The following CACNA2D3 variants were observed in gnomAD, a reference collection of about 807,000 sequenced individuals.
CACNA2D3 encodes voltage-dependent calcium channel subunit alpha-2/delta-3.
Under a neutral mutation model 160.6 loss-of-function variants are expected in CACNA2D3, and 60 were observed. That is an observed-to-expected ratio of 0.37 (90% CI 0.30 to 0.46). The LOEUF (loss-of-function observed/expected upper bound fraction) is 0.46. Among genes scored for constraint, CACNA2D3 ranks in the 20% least tolerant of loss-of-function variants. The pLI is 1.00. For missense variants in CACNA2D3, 1,205 were observed against 1,365.0 expected (o/e 0.88, Z 1.85); for synonymous variants, 558 against 492.9 (o/e 1.13, Z -1.75).
chr3:54,495,613 G>A (rs374254900), intron 4 of CACNA2D3, among the ~76,000 whole-genome samples: 1 of 152,160 alleles, frequency 6.6e-6, no homozygotes, highest in Non-Finnish European at 1.5e-5. Flanking sequence ...GCAGGGTGTG[G>A]TGGTGCACAC....
At chr3:54,158,395 GAAA>G (rs1700281288) in intron 2 of CACNA2D3, among the ~76,000 whole-genome samples, 1 of 152,190 alleles carries the variant, frequency 6.6e-6, no homozygotes, top group Non-Finnish European at 1.5e-5. Context: ...CACTTGTGGG[GAAA>G]AAAGGAGCTC....
intron 11 of CACNA2D3, among the ~76,000 whole-genome samples, chr3:54,650,233 C>G (rs1270995522): frequency 1.3e-5 from 2 of 151,444 alleles, no homozygotes; most frequent in East Asian, 3.9e-4. Flanking sequence ...GAGTCTTGCT[C>G]TGTCACCCAG....
intron 13 of CACNA2D3, among the ~76,000 whole-genome samples, chr3:54,789,276 TA>T (rs1372705211): frequency 1.3e-5 from 2 of 152,184 alleles, no homozygotes; most frequent in Non-Finnish European, 2.9e-5. Flanking sequence ...ATATGTGTTT[TA>T]AAAAAACTGT....
At chr3:54,463,810 G>A (rs895599220) in intron 4 of CACNA2D3, among the ~76,000 whole-genome samples, 12 of 152,320 alleles carry the variant, frequency 7.9e-5, no homozygotes, top group African/African-American at 2.6e-4. Flanking sequence ...TCCGTTGCTG[G>A]TGAGGAACTG....
chr3:54,194,583 T>C (rs907773247), intron 2 of CACNA2D3, among the ~76,000 whole-genome samples: 1 of 152,208 alleles, frequency 6.6e-6, no homozygotes, highest in Admixed American at 6.5e-5. Flanking sequence ...GCTCTGCTGC[T>C]ATAACAAAAT....
intron 4 of CACNA2D3, among the ~76,000 whole-genome samples, chr3:54,417,801 G>GTT (rs1699778937): frequency 3.8e-5 from 5 of 130,538 alleles, no homozygotes; most frequent in Admixed American, 3.8e-4. Flanking sequence ...TGTGTGGGGG[G>GTT]GGGGGTGGGG....
intron 11 of CACNA2D3, among the ~76,000 whole-genome samples, chr3:54,730,783 G>A (rs1406933116): frequency 6.6e-6 from 1 of 152,188 alleles, no homozygotes; most frequent in East Asian, 1.9e-4. Flanking sequence ...GATTACAGGA[G>A]TGAGCCACTG....
In CACNA2D3 at chr3:54,815,614, G is replaced by A. The variant is rs534777473; in HGVS notation, c.1381-1239G>A. Among the ~76,000 whole-genome samples, 238 of 152,310 alleles carry A rather than the reference G, an allele frequency of 1.6e-3. 4 individuals carry two copies. The highest frequency in any genetic ancestry group is 5.3e-3 in the African/African-American group (220 of 41,574). On this transcript the variant is annotated intron_variant, in intron 13 of 37. Coordinates refer to ENST00000474759, the MANE Select transcript of CACNA2D3 (RefSeq NM_018398.3). ...CTGTCACAATTCCCAAGTGTTTGGG[G>A]TCTTTATTTATGTGTGAATTGAGTT... is the stretch of plus-strand genomic sequence containing the variant.
chr3:54,973,775 A>T (rs1477941637), intron 29 of CACNA2D3, among the ~76,000 whole-genome samples: 2 of 152,204 alleles, frequency 1.3e-5, no homozygotes. Flanking sequence ...ATTTTTTCAA[A>T]AGACAGTGTT....
At chr3:55,014,515 G>A (rs1278133251) in intron 34 of CACNA2D3, among the ~76,000 whole-genome samples, 1 of 152,124 alleles carries the variant, frequency 6.6e-6, no homozygotes, top group Admixed American at 6.5e-5. Flanking sequence ...GGATCACTGA[G>A]GCCAGGAGTT....
chr3:54,921,492 A>G (rs746098148), intron 27 of CACNA2D3, among the ~76,000 whole-genome samples: 43 of 152,086 alleles, frequency 2.8e-4, no homozygotes, highest in Non-Finnish European at 5.1e-4. Flanking sequence ...TTTGGAGGAG[A>G]TATTATTATG....
chr3:54,524,898 G>A (rs1025635597), intron 5 of CACNA2D3, among the ~76,000 whole-genome samples: 7 of 151,936 alleles, frequency 4.6e-5, no homozygotes, highest in African/African-American at 1.2e-4. Context: ...AATCTAAAGT[G>A]TTTCTCTTAT....
At chr3:54,743,965 A>T (rs1302808064) in intron 11 of CACNA2D3, among the ~76,000 whole-genome samples, 1 of 152,132 alleles carries the variant, frequency 6.6e-6, no homozygotes, top group Non-Finnish European at 1.5e-5. Flanking sequence ...GATTCTACAG[A>T]CTCAGTTCTG....
chr3:54,657,172 G>T (rs1699889007), intron 11 of CACNA2D3, among the ~76,000 whole-genome samples: 2 of 152,188 alleles, frequency 1.3e-5, no homozygotes, highest in African/African-American at 4.8e-5. Flanking sequence ...TTCAGTTAAG[G>T]CAGGAATAGG....
intron 27 of CACNA2D3, among the ~76,000 whole-genome samples, chr3:54,902,473 C>T (rs149183450): frequency 1.7e-3 from 266 of 152,284 alleles, no homozygotes; most frequent in Admixed American, 5.3e-3. Flanking sequence ...TCCATCTTCC[C>T]GGCCTATGAC....
At chr3:54,440,614 C>G (rs1438302656) in intron 4 of CACNA2D3, among the ~76,000 whole-genome samples, 1 of 152,004 alleles carries the variant, frequency 6.6e-6, no homozygotes, top group Non-Finnish European at 1.5e-5. Context: ...TTAGGTATAT[C>G]TCCTAATGCT....
chr3:55,021,697 GTA>G (rs1276712547), intron 35 of CACNA2D3, among the ~76,000 whole-genome samples: 34 of 138,694 alleles, frequency 2.5e-4, no homozygotes, highest in African/African-American at 7.1e-4. Context: ...ATATATGTGT[GTA>G]TATATATATG....
At chr3:55,070,702 CTTTA>C (rs898973749) in intron 35 of CACNA2D3, among the ~76,000 whole-genome samples, 21 of 152,252 alleles carry the variant, frequency 1.4e-4, no homozygotes, top group Admixed American at 7.9e-4. Context: ...TATTTGCGAC[CTTTA>C]TTTATTTTTT....
At chr3:54,811,188 T>G (rs1703301454) in intron 13 of CACNA2D3, among the ~76,000 whole-genome samples, 2 of 152,204 alleles carry the variant, frequency 1.3e-5, no homozygotes. Context: ...AGAGACATCT[T>G]GAACTTTTCT....
Sources: allele counts gnomAD v4.1 joint callset (sites outside exome capture counted in the v4.1 genomes callset), GRCh38; gene constraint gnomAD v4.1.1; transcripts MANE v1.5; gene names NCBI Gene and HGNC (gene_info 2026-07-23, HGNC 2026-07-21).